NRP2: variants seen among roughly 807,000 people sequenced by gnomAD.
The protein encoded by NRP2 is neuropilin 2.
In NRP2, 52 loss-of-function variants were observed where a neutral mutation model predicts 110.4. That is an observed-to-expected ratio of 0.47 (90% CI 0.38 to 0.59). The LOEUF is 0.59. Among genes scored for constraint, NRP2 ranks in the 20% least tolerant of loss-of-function variants. The pLI is 0.00. For missense variants in NRP2, 1,049 were observed against 1,203.0 expected (o/e 0.87, Z 1.89); for synonymous variants, 508 against 468.9 (o/e 1.08, Z -1.08).
intron 16 of NRP2, among the ~76,000 whole-genome samples, chr2:205,794,400 G>A (rs577560382): frequency 7.2e-5 from 11 of 152,216 alleles, no homozygotes; most frequent in South Asian, 2.1e-4. Flanking sequence ...GTGAGCCACC[G>A]CGCCCGGCCT....
At position 205,727,956 on chromosome 2, in the gene NRP2, A is replaced by C. The variant is rs1267067642; in HGVS notation, c.1056A>C (p.Thr352=). The C allele has an allele frequency of 6.2e-7, 1 of 1,614,182 alleles. No individual in the cohort carries two copies. Among genetic ancestry groups the C allele is most frequent in the African/African-American group, 1.3e-5 (1 of 75,032 alleles). ...CACAGGGAGCGATTTCCAGGGAAAC[A>C]CAGAATGGCTACTATGTCAAATCCT... ...IATQGAISRE[T]QNGYYVKSYK... is the part of the protein sequence containing the mutation. The change falls in exon 7 of 17, where the codon ACA becomes ACC. Residue 352 remains threonine, a synonymous_variant. Coordinates refer to ENST00000357785, the MANE Select transcript of NRP2 (RefSeq NM_003872.3).
At chr2:205,736,752 T>G (rs1033331817) in intron 7 of NRP2, among the ~76,000 whole-genome samples, 10 of 152,222 alleles carry the variant, frequency 6.6e-5, no homozygotes, top group African/African-American at 2.2e-4. Flanking sequence ...CAGTGAGTTG[T>G]CAGGGAATAG....
chr2:205,743,595 G>A, intron 9 of NRP2, 43 bp downstream of exon 9: 1 of 1,607,204 alleles, frequency 6.2e-7, no homozygotes, highest in South Asian at 1.1e-5. Flanking sequence ...CCCTCAACAG[G>A]GAGGCTAAGT....
rs1453836970 is a variant in NRP2, at chr2:205,683,344, C to T, written c.54C>T (p.His18=). ...TCTTAGCCCTCTACTTTTCAAGACA[C>T]CAAGTGAGAGGCCAACCAGGTAAGC... ...WVFLALYFSR[H]QVRGQPDPPC... The change falls in exon 1 of 17, where the codon CAC becomes CAT. Residue 18 remains histidine (H), a synonymous_variant. Coordinates refer to ENST00000357785, the MANE Select transcript of NRP2 (RefSeq NM_003872.3). The T allele has an allele frequency of 6.2e-7, 1 of 1,613,606 alleles. No individual in the cohort carries two copies. The highest frequency in any genetic ancestry group is 1.3e-5 in the African/African-American group (1 of 74,902).
chr2:205,794,792 A>G lies in NRP2; in HGVS notation c.2515A>G (p.Thr839Ala), dbSNP rs1299177599. 6.2e-7 allele frequency: 1 copy of G among 1,614,040 alleles called. No homozygotes were observed. Among genetic ancestry groups the G allele is most frequent in the African/African-American group, 1.3e-5 (1 of 74,910 alleles). Residue 839 changes from threonine (T) to alanine (A), a missense_variant, in exon 17 of 17, where the codon ACC (threonine) becomes GCC (alanine). Thr to Ala is a moderately conservative substitution (Grantham distance 58, BLOSUM62 0). Coordinates refer to ENST00000357785, the MANE Select transcript of NRP2 (RefSeq NM_003872.3). Reference sequence around the variant, plus strand: ...GGACTGGAGCAATTCTTCTTCTGCAACCTCAGGGTCTGGCGCCCCCTCGAC... The same window carrying G: ...GGACTGGAGCAATTCTTCTTCTGCAGCCTCAGGGTCTGGCGCCCCCTCGAC... ...EVDWSNSSSA[T>A]SGSGAPSTDK...
chr2:205,736,352 A>T (rs942389133), intron 7 of NRP2, among the ~76,000 whole-genome samples: 7 of 152,150 alleles, frequency 4.6e-5, no homozygotes, highest in Non-Finnish European at 1.0e-4. Context: ...AAAAATAAAT[A>T]AATTAAATTA....
intron 15 of NRP2, 42 bp downstream of exon 15, chr2:205,766,845 C>G: frequency 6.4e-7 from 1 of 1,574,602 alleles, no homozygotes; most frequent in Non-Finnish European, 8.7e-7. Context: ...TTTTTGCATG[C>G]TTTTTCCTTC....
At chr2:205,756,331 C>G (rs1423641401) in intron 12 of NRP2, 2 of 152,122 alleles carry the variant, frequency 1.3e-5, no homozygotes, top group Non-Finnish European at 2.9e-5. Flanking sequence ...CACCCCCTTA[C>G]TAGGAGATGG....
intron 15 of NRP2, chr2:205,779,104 C>T (rs377065420): frequency 6.6e-6 from 1 of 152,208 alleles, no homozygotes; most frequent in South Asian, 2.1e-4. Flanking sequence ...TTTAGAGTTG[C>T]TTCTCAGAAG....
At position 205,763,940 on chromosome 2, in the gene NRP2, G is replaced by A; in HGVS notation, c.2307+4G>A. 6.2e-7 allele frequency: 1 copy of A among 1,613,844 alleles called. No individual in the cohort carries two copies. The highest frequency in any genetic ancestry group is 8.5e-7 in the Non-Finnish European group (1 of 1,179,884). On this transcript the variant is annotated splice_donor_region_variant and intron_variant, in intron 13 of 16. Coordinates refer to ENST00000357785, the MANE Select transcript of NRP2 (RefSeq NM_003872.3). This position sits in a 1 kb window ranked among gnomAD's most constrained non-coding sequence, Gnocchi z 4.0. ...CAGCTACGACATGGAGTACCAGGTGGGGTGAGCAAAAAGGGAATCTTGTGA... is the reference window on the plus strand; with the variant it reads ...CAGCTACGACATGGAGTACCAGGTGAGGTGAGCAAAAAGGGAATCTTGTGA...
intron 1 of NRP2, among the ~76,000 whole-genome samples, chr2:205,688,348 C>A (rs763583424): frequency 3.3e-5 from 5 of 152,182 alleles, no homozygotes; most frequent in Non-Finnish European, 5.9e-5. Flanking sequence ...CTGTTCCTTC[C>A]AGGTAAGGAC....
chr2:205,716,390 C>T lies in NRP2; in HGVS notation c.433+16C>T, dbSNP rs368761335. The T allele has an allele frequency of 5.4e-5, 87 of 1,612,778 alleles. No homozygotes were observed. Among genetic ancestry groups the T allele is most frequent in the Non-Finnish European group, 6.9e-5 (81 of 1,179,892 alleles). ...TTCAAGACAGGTCAGTGTGGTCACA[C>T]GTAGGGGCCGGGAGATGGGCGTCTT... On this transcript the variant is annotated intron_variant, in intron 3 of 16. Coordinates refer to ENST00000357785, the MANE Select transcript of NRP2 (RefSeq NM_003872.3).
In NRP2 at chr2:205,762,412, T is replaced by G. The variant is rs2105916052; in HGVS notation, c.2045-1262T>G. The G allele has an allele frequency of 2.0e-5, 3 of 152,276 alleles. No individual in the cohort carries two copies. In the South Asian group the frequency reaches 6.2e-4, roughly 32 times the overall value. The allele number at this position is 152,276 out of a possible 1,614,324, so 9.4% of individuals were successfully genotyped here. A position where few individuals can be genotyped will look rare whatever the true frequency, so the allele number is the denominator to read the frequency against. On this transcript the variant is annotated intron_variant, in intron 12 of 16. Coordinates refer to ENST00000357785, the MANE Select transcript of NRP2 (RefSeq NM_003872.3). ...CCTAGAAAGTTGAGGTCAGCAGGAT[T>G]AACAACAGCAAAGCAGTGGTCCAGG...
chr2:205,740,465 G>C (rs535295886), intron 7 of NRP2, 54 bp from the exon 8 acceptor site: 130 of 1,606,840 alleles, frequency 8.1e-5, no homozygotes, highest in Non-Finnish European at 9.2e-5. Context: ...CTGCTCAAGT[G>C]GCTGAACTAC....
Position 205,697,680 on chromosome 2 carries a change from C to G in NRP2, c.210C>G (p.Leu70=). 6.2e-7 allele frequency: 1 copy of G among 1,614,034 alleles called. No individual in the cohort carries two copies. The highest frequency in any genetic ancestry group is 1.3e-5 in the African/African-American group (1 of 74,978). The change falls in exon 2 of 17, where the codon CTC becomes CTG. Residue 70 remains leucine, a synonymous_variant. Coordinates refer to ENST00000357785, the MANE Select transcript of NRP2 (RefSeq NM_003872.3). The part of the protein sequence containing the change: ...YAPEPNQKIV[L]NFNPHFEIEK... ...CCGAACCCAACCAGAAGATTGTCCT[C>G]AACTTCAACCCTCACTTTGAAATCG...
intron 9 of NRP2, among the ~76,000 whole-genome samples, chr2:205,743,886 G>C (rs1163921246): frequency 6.6e-6 from 1 of 152,114 alleles, no homozygotes; most frequent in Non-Finnish European, 1.5e-5. Flanking sequence ...TGGGATTACA[G>C]GTGCCCGCCA....
At chr2:205,687,165 C>T (rs2056189821) in intron 1 of NRP2, among the ~76,000 whole-genome samples, 1 of 152,156 alleles carries the variant, frequency 6.6e-6, no homozygotes, top group African/African-American at 2.4e-5. Context: ...ATTCACCCTT[C>T]CGTCTGGACT....
rs1379168212 is a variant in NRP2 at position 205,786,393 on chromosome 2, T to G, written c.2426-5842T>G. On this transcript the variant is annotated intron_variant, in intron 15 of 16. Coordinates refer to ENST00000357785, the MANE Select transcript of NRP2 (RefSeq NM_003872.3). ...CAGCGATTTAACTGGCCCATGGGGT[T>G]CAGAAACTTGGAATCAAGTTCAACA... Among the ~76,000 whole-genome samples, 3 of 152,296 alleles carry G rather than the reference T, an allele frequency of 2.0e-5. No individual in the cohort carries two copies. In the East Asian group the frequency reaches 5.8e-4, roughly 29 times the overall value.
chr2:205,712,423 C>T (rs1252817720), intron 2 of NRP2, among the ~76,000 whole-genome samples: 1 of 152,158 alleles, frequency 6.6e-6, no homozygotes, highest in African/African-American at 2.4e-5. Flanking sequence ...AGTTATCCTA[C>T]TTGACTATCG....
Sources: allele counts gnomAD v4.1 joint callset (sites outside exome capture counted in the v4.1 genomes callset), GRCh38; gene constraint gnomAD v4.1.1; non-coding constraint Gnocchi (gnomAD v3.1); transcripts MANE v1.5; gene names NCBI Gene and HGNC (gene_info 2026-07-23, HGNC 2026-07-21).